Variants in PYHIN1 observed in about 807,000 individuals in gnomAD.
PYHIN1 encodes pyrin and HIN domain-containing protein 1.
Under a neutral mutation model 43.7 loss-of-function variants are expected in PYHIN1, and 32 were observed. That is an observed-to-expected ratio of 0.73 (90% CI 0.55 to 0.98). The LOEUF (loss-of-function observed/expected upper bound fraction) is 0.98. Among genes scored for constraint, PYHIN1 ranks in the 50% least tolerant of loss-of-function variants. The pLI, the probability that PYHIN1 is intolerant of heterozygous loss-of-function variation, is 0.00. For synonymous variants in PYHIN1, 205 were observed against 203.1 expected, an observed-to-expected ratio of 1.01 and a Z score of -0.08; for missense variants, 588 against 589.5, an observed-to-expected ratio of 1.00 and a Z score of 0.03.
chr1:158,984,378 A>G, the PYHIN1 span, among the ~76,000 whole-genome samples: 17 of 152,100 alleles, frequency 1.1e-4, no homozygotes, highest in Admixed American at 2.0e-4. Flanking sequence ...AGATTTCTTG[A>G]TTTCTGCATT....
At position 158,965,432 on chromosome 1, in the gene PYHIN1, A is replaced by G. The variant is rs562459107; in HGVS notation, c.1360-8215A>G. On this transcript the variant is annotated intron_variant, in intron 7 of 8. Coordinates refer to ENST00000368140, the MANE Select transcript of PYHIN1 (RefSeq NM_152501.5). ...TTTATGGAACTCTCAACCTAAAACA[A>G]TGGAACACACATTCTTCTTACTGCC... 3.7e-4 allele frequency among the ~76,000 whole-genome samples: 57 copies of G among 152,178 alleles called. 1 individual carries two copies. The highest frequency in any genetic ancestry group is 3.8e-4 in the Non-Finnish European group (26 of 68,020).
intron 4 of PYHIN1, 177 bp downstream of exon 4, chr1:158,939,424 T>C (rs1648770171): frequency 6.4e-7 from 1 of 1,555,608 alleles, no homozygotes; most frequent in Non-Finnish European, 8.7e-7. Flanking sequence ...GAACTTGACA[T>C]TATCTCTGAC....
chr1:158,951,505 C>T (rs891050109), intron 7 of PYHIN1, among the ~76,000 whole-genome samples: 1 of 152,048 alleles, frequency 6.6e-6, no homozygotes, highest in Non-Finnish European at 1.5e-5. Context: ...ATATCAGAGC[C>T]CCAATCTCAG....
chr1:158,958,976 A>G (rs1172204376), intron 7 of PYHIN1, among the ~76,000 whole-genome samples: 2 of 151,566 alleles, frequency 1.3e-5, no homozygotes, highest in Admixed American at 6.6e-5. Context: ...TTGAGCTGAT[A>G]AGTGTTGTCC....
intron 7 of PYHIN1, among the ~76,000 whole-genome samples, chr1:158,962,364 C>A (rs183566044): frequency 1.2e-4 from 19 of 152,230 alleles, no homozygotes; most frequent in South Asian, 4.1e-4. Flanking sequence ...GCACCAGTTG[C>A]CTTCAGGTTC....
At chr1:158,984,918 C>T in the PYHIN1 span, among the ~76,000 whole-genome samples, 1 of 151,466 alleles carries the variant, frequency 6.6e-6, no homozygotes, top group African/African-American at 2.4e-5. Context: ...CTTCTTCATC[C>T]TCTTTGATAG....
At chr1:158,932,319 A>G (rs1362932463) in intron 1 of PYHIN1, among the ~76,000 whole-genome samples, 1 of 152,110 alleles carries the variant, frequency 6.6e-6, no homozygotes, top group African/African-American at 2.4e-5. Context: ...GAAAGGTGGG[A>G]GCAGTATGTG....
At chr1:158,990,663 C>T in the PYHIN1 span, among the ~76,000 whole-genome samples, 2 of 152,152 alleles carry the variant, frequency 1.3e-5, 1 homozygote, top group Non-Finnish European at 2.9e-5. Context: ...AACATTTTCC[C>T]ATTTCTCCCT....
At chr1:158,985,844 C>T in the PYHIN1 span, among the ~76,000 whole-genome samples, 1 of 152,084 alleles carries the variant, frequency 6.6e-6, no homozygotes, top group Non-Finnish European at 1.5e-5. Flanking sequence ...AAGTTTCGTT[C>T]ATATTTTATT....
At chr1:158,934,612 G>C (rs1648395242) in intron 1 of PYHIN1, among the ~76,000 whole-genome samples, 1 of 151,924 alleles carries the variant, frequency 6.6e-6, no homozygotes, top group Admixed American at 6.6e-5. Context: ...TCAATCTGAG[G>C]ACACTCATGT....
chr1:158,943,818 A>G lies in PYHIN1; in HGVS notation c.1031A>G (p.Tyr344Cys), dbSNP rs368670450. ...ATTGTAAATAGGAAGACGACAATCTATGAAATTCAGGATAAAACAGGAAGT... is the reference window on the plus strand; with the variant it reads ...ATTGTAAATAGGAAGACGACAATCTGTGAAATTCAGGATAAAACAGGAAGT... Reference protein sequence around the residue: ...TKIVNRKTTIYEIQDKTGSMA... With the variant: ...TKIVNRKTTICEIQDKTGSMA... Residue 344 changes from tyrosine (Y) to cysteine (C), a missense_variant, in exon 6 of 9, where the codon TAT becomes TGT. Physicochemically the swap from Tyr to Cys is radical, Grantham distance 194 (BLOSUM62 -2). Coordinates refer to ENST00000368140, the MANE Select transcript of PYHIN1 (RefSeq NM_152501.5). The G allele has an allele frequency of 4.4e-6, 7 of 1,603,106 alleles. No homozygotes were observed. The highest frequency in any genetic ancestry group is 6.0e-6 in the Non-Finnish European group (7 of 1,174,378).
chr1:158,956,926 G>A (rs1022501727), intron 7 of PYHIN1, among the ~76,000 whole-genome samples: 1 of 105,108 alleles, frequency 9.5e-6, no homozygotes, highest in Non-Finnish European at 2.0e-5. Flanking sequence ...CAAAATCAAT[G>A]TACAAAAATC....
intron 1 of PYHIN1, among the ~76,000 whole-genome samples, chr1:158,936,176 C>T (rs1648529303): frequency 6.8e-6 from 1 of 146,002 alleles, no homozygotes; most frequent in Non-Finnish European, 1.5e-5. Context: ...CATCATTTAG[C>T]ATTAGGTATA....
chr1:158,985,086 T>C, the PYHIN1 span, among the ~76,000 whole-genome samples: 1 of 152,180 alleles, frequency 6.6e-6, no homozygotes, highest in Non-Finnish European at 1.5e-5. Flanking sequence ...CAGCATGTAA[T>C]TGAGTCTTGC....
chr1:158,987,683 T>C, the PYHIN1 span, among the ~76,000 whole-genome samples: 3 of 152,146 alleles, frequency 2.0e-5, no homozygotes, highest in Admixed American at 2.0e-4. Flanking sequence ...CATTTAAGAG[T>C]TTTGATCCAT....
At chr1:158,964,367 A>G (rs1053438249) in intron 7 of PYHIN1, among the ~76,000 whole-genome samples, 34 of 152,200 alleles carry the variant, frequency 2.2e-4, no homozygotes, top group Non-Finnish European at 1.5e-5. Context: ...AATTCAGGGT[A>G]CATAGAGAAA....
At chr1:158,943,552 A>C (rs1246890702) in intron 5 of PYHIN1, among the ~76,000 whole-genome samples, 1 of 152,176 alleles carries the variant, frequency 6.6e-6, no homozygotes, top group Non-Finnish European at 1.5e-5. Context: ...GAAAATGGGA[A>C]GATAACTCAT....
chr1:158,979,064 T>C (rs1256389059), downstream of PYHIN1, among the ~76,000 whole-genome samples: 1 of 152,168 alleles, frequency 6.6e-6, no homozygotes, highest in African/African-American at 2.4e-5. Context: ...TATTAGCAAA[T>C]GATTATGATT....
intron 7 of PYHIN1, among the ~76,000 whole-genome samples, chr1:158,973,151 C>T (rs1011952263): frequency 6.6e-6 from 1 of 152,016 alleles, no homozygotes; most frequent in African/African-American, 2.4e-5. Context: ...CCACACTGAC[C>T]CAGCCTACAG....
Sources: allele counts gnomAD v4.1 joint callset (sites outside exome capture counted in the v4.1 genomes callset), GRCh38; gene constraint gnomAD v4.1.1; transcripts MANE v1.5; gene names NCBI Gene and HGNC (gene_info 2026-07-23, HGNC 2026-07-21).